The following FIP1L1 variants were observed in gnomAD, a reference collection of about 807,000 sequenced individuals.
FIP1L1 encodes factor interacting with PAPOLA and CPSF1.
A neutral mutation model predicts 84.6 loss-of-function variants in FIP1L1; 21 were observed. The observed-to-expected ratio is 0.25, with a 90% CI of 0.18 to 0.36. The LOEUF (loss-of-function observed/expected upper bound fraction) is 0.36. Among genes scored for constraint, FIP1L1 ranks in the 10% least tolerant of loss-of-function variants. The pLI, the probability that FIP1L1 is intolerant of heterozygous loss-of-function variation, is 1.00. For synonymous variants in FIP1L1, 263 were observed against 242.3 expected (o/e 1.09, Z -0.80); for missense variants, 526 against 751.1 (o/e 0.70, Z 3.50).
chr4:53,442,990 A>G (rs1303628972), intron 14 of FIP1L1, among the ~76,000 whole-genome samples: 1 of 152,122 alleles, frequency 6.6e-6, no homozygotes, highest in Non-Finnish European at 1.5e-5. Context: ...AAAACCCAGC[A>G]AGTCAGTTTT....
intron 5 of FIP1L1, among the ~76,000 whole-genome samples, chr4:53,388,942 G>A (rs150547861): frequency 2.0e-5 from 3 of 152,200 alleles, no homozygotes; most frequent in Non-Finnish European, 4.4e-5. Context: ...ATGTGGGTTG[G>A]TCCAACTTCA....
chr4:53,447,447 T>C (rs1214686945), intron 15 of FIP1L1, among the ~76,000 whole-genome samples: 1 of 152,144 alleles, frequency 6.6e-6, no homozygotes, highest in African/African-American at 2.4e-5. Flanking sequence ...CTCCACCACC[T>C]AGCTTTGCTC....
intron 13 of FIP1L1, among the ~76,000 whole-genome samples, chr4:53,434,611 A>G (rs767186792): frequency 6.6e-6 from 1 of 151,930 alleles, no homozygotes; most frequent in Non-Finnish European, 1.5e-5. Context: ...AGCTGGGATT[A>G]CCAGCATGTA....
Position 53,460,823 on chromosome 4 carries a change from A to T in FIP1L1, c.*1374A>T. On this transcript the variant is annotated 3_prime_UTR_variant, in exon 18 of 18. Coordinates refer to ENST00000337488, the MANE Select transcript of FIP1L1 (RefSeq NM_030917.4). ...TTTACAATGTATTCTTTCTTTAAAT[A>T]TAAAAACTGACAAGATAAATATAGT... 7.7e-7 allele frequency: 1 copy of T among 1,293,952 alleles called. No homozygotes were observed. The allele number at this position is 1,293,952 out of a possible 1,614,324, so 80.2% of individuals were successfully genotyped here.
chr4:53,442,825 A>C, intron 14 of FIP1L1, 118 bp downstream of exon 14: 1 of 597,438 alleles, frequency 1.7e-6, no homozygotes, highest in Non-Finnish European at 2.9e-6. Flanking sequence ...CTTTTAATTT[A>C]TAAATCTAGA....
intron 4 of FIP1L1, among the ~76,000 whole-genome samples, chr4:53,383,530 C>T (rs1246334054): frequency 2.0e-5 from 3 of 152,004 alleles, no homozygotes; most frequent in Non-Finnish European, 4.4e-5. Context: ...GGCATGGTGG[C>T]GGGCACCTGT....
intron 16 of FIP1L1, chr4:53,458,438 ATTAT>A: frequency 2.8e-6 from 1 of 355,528 alleles, no homozygotes; most frequent in East Asian, 4.3e-5. Flanking sequence ...AACATGTGTA[ATTAT>A]TATATATTTA....
At chr4:53,405,370 C>G (rs1048381828) in intron 10 of FIP1L1, among the ~76,000 whole-genome samples, 1 of 152,110 alleles carries the variant, frequency 6.6e-6, no homozygotes, top group Non-Finnish European at 1.5e-5. Context: ...TGGTCTATAT[C>G]TCTGTTTTGG....
At chr4:53,442,542 G>T in intron 13 of FIP1L1, 111 bp from the exon 14 acceptor site, 1 of 709,464 alleles carries the variant, frequency 1.4e-6, no homozygotes, top group Non-Finnish European at 2.5e-6. Context: ...ACAACATAGA[G>T]AAGCACATTC....
intron 9 of FIP1L1, among the ~76,000 whole-genome samples, chr4:53,392,778 T>G (rs1249247968): frequency 2.0e-5 from 3 of 152,216 alleles, no homozygotes; most frequent in African/African-American, 7.2e-5. Flanking sequence ...GAATGTGTAT[T>G]TTATATACAT....
intron 13 of FIP1L1, among the ~76,000 whole-genome samples, chr4:53,430,990 G>A (rs530235533): frequency 4.0e-4 from 61 of 152,288 alleles, no homozygotes; most frequent in African/African-American, 1.3e-3. Flanking sequence ...CTTACTTTTA[G>A]TAGAATGTGA....
intron 13 of FIP1L1, among the ~76,000 whole-genome samples, chr4:53,437,389 A>G (rs1276915452): frequency 6.9e-6 from 1 of 145,872 alleles, no homozygotes; most frequent in East Asian, 2.1e-4. Context: ...AGAATGCCAG[A>G]TGGTGTAGGC....
chr4:53,396,572 A>AT (rs536778047), intron 9 of FIP1L1, among the ~76,000 whole-genome samples: 116 of 151,662 alleles, frequency 7.6e-4, no homozygotes, highest in Non-Finnish European at 4.3e-4. Flanking sequence ...CACCTGGCTA[A>AT]TTTTTTTAGT....
intron 11 of FIP1L1, among the ~76,000 whole-genome samples, chr4:53,417,788 C>G (rs1286595935): frequency 9.4e-6 from 1 of 105,956 alleles, no homozygotes; most frequent in Non-Finnish European, 2.1e-5. Flanking sequence ...CTCTCTCTCT[C>G]TCTCTCTCTC....
chr4:53,380,545 T>C (rs898369993), intron 3 of FIP1L1, among the ~76,000 whole-genome samples: 21 of 152,308 alleles, frequency 1.4e-4, no homozygotes, highest in African/African-American at 5.1e-4. Context: ...TTGTATAATA[T>C]GTGAATTGCA....
chr4:53,419,978 G>A (rs1303951952), intron 11 of FIP1L1, among the ~76,000 whole-genome samples: 2 of 151,948 alleles, frequency 1.3e-5, no homozygotes, highest in African/African-American at 4.8e-5. Flanking sequence ...GGAGGCCGAG[G>A]CGGGTGGATC....
chr4:53,443,308 TGA>T (rs1358079265), intron 14 of FIP1L1, among the ~76,000 whole-genome samples: 1 of 152,194 alleles, frequency 6.6e-6, no homozygotes, highest in Admixed American at 6.5e-5. Flanking sequence ...GTAAGCCCTT[TGA>T]GACTCAGTTT....
intron 11 of FIP1L1, among the ~76,000 whole-genome samples, chr4:53,417,761 ACACTCTCTCT>A (rs1388713311): frequency 3.1e-4 from 7 of 22,498 alleles, no homozygotes; most frequent in African/African-American, 5.5e-4. Context: ...ACACACACAC[ACACTCTCTCT>A]CTCTCTCTCT....
At chr4:53,398,284 A>C (rs10022604) in intron 9 of FIP1L1, among the ~76,000 whole-genome samples, 18,333 of 152,164 alleles carry the variant, frequency 0.12, 2,141 homozygotes, top group African/African-American at 0.29. Flanking sequence ...TCATCATCTC[A>C]TTAGAATCAG....
Sources: gnomAD v4.1 joint callset for allele counts (sites outside exome capture counted in the v4.1 genomes callset) on GRCh38, gnomAD v4.1.1 for gene constraint, MANE v1.5 for transcripts, NCBI Gene and HGNC (gene_info 2026-07-23, HGNC 2026-07-21) for gene names.